Variants in VWA2 observed in about 807,000 individuals in gnomAD.
The protein encoded by VWA2 is von Willebrand factor A domain-containing protein 2.
In VWA2, 73 loss-of-function variants were observed where a neutral mutation model predicts 70.4. That is an observed-to-expected ratio of 1.04 (90% CI 0.86 to 1.26). The LOEUF (loss-of-function observed/expected upper bound fraction) is 1.26, where lower values mean the gene tolerates loss of function less well. Ranked by LOEUF, VWA2 falls within the 50% of genes most tolerant of loss-of-function variation. The pLI is 0.00. For synonymous variants in VWA2, 407 were observed against 423.3 expected (o/e 0.96, Z 0.47); for missense variants, 1,011 against 998.5 (o/e 1.01, Z -0.17).
chr10:114,273,016 G>C, intron 6 of VWA2, 82 bp downstream of exon 6: 3 of 1,280,060 alleles, frequency 2.3e-6, no homozygotes, highest in Non-Finnish European at 3.2e-6. Flanking sequence ...GAAGGGAGGG[G>C]ACTGGAAGAG....
chr10:114,254,961 G>A lies in VWA2; in HGVS notation c.174G>A (p.Gly58=). The A allele has an allele frequency of 1.9e-6, 3 of 1,613,368 alleles. No homozygotes were observed. Among genetic ancestry groups the A allele is most frequent in the Non-Finnish European group, 2.5e-6 (3 of 1,179,906 alleles). ...TGGACATCATGTTTCTGTTAGATGG[G>A]TCTAACAGCGTCGGGAAAGGGAGCT... ...AAVDIMFLLD[G]SNSVGKGSFE... is the part of the protein sequence containing the mutation. The change falls in exon 4 of 14, where the codon GGG becomes GGA. Residue 58 remains glycine (G), a synonymous_variant. Transcript: ENST00000392982.
At chr10:114,282,073 A>T (rs536891031) in intron 8 of VWA2, among the ~76,000 whole-genome samples, 1 of 140,944 alleles carries the variant, frequency 7.1e-6, no homozygotes, top group South Asian at 2.2e-4. Context: ...GCAGTTGTGC[A>T]ATCTCGGCTC....
intron 5 of VWA2, among the ~76,000 whole-genome samples, chr10:114,270,081 A>G (rs1365970676): frequency 6.6e-6 from 1 of 152,238 alleles, no homozygotes; most frequent in African/African-American, 2.4e-5. Flanking sequence ...CTGTTTTCCA[A>G]TAAAACTTTA....
At chr10:114,241,522 C>A (rs2036973612) in intron 1 of VWA2, among the ~76,000 whole-genome samples, 1 of 152,130 alleles carries the variant, frequency 6.6e-6, no homozygotes, top group Non-Finnish European at 1.5e-5. Flanking sequence ...CCCCTCCTGG[C>A]TTTTTAATGA....
chr10:114,264,654 C>T (rs1161991706), intron 5 of VWA2, among the ~76,000 whole-genome samples: 1 of 151,982 alleles, frequency 6.6e-6, no homozygotes, highest in Admixed American at 6.6e-5. Flanking sequence ...CTCCTGACCT[C>T]GTGATCTGCC....
chr10:114,261,386 CAG>C, intron 5 of VWA2, 91 bp downstream of exon 5: 1 of 1,014,412 alleles, frequency 9.9e-7, no homozygotes, highest in East Asian at 2.4e-5. Context: ...TCTGGGCTCA[CAG>C]AGAGGACTGT....
rs933113467 is a variant in VWA2, at chr10:114,270,979, A to T, written c.372-1761A>T. Among the ~76,000 whole-genome samples, 11 of 151,958 alleles carry T rather than the reference A, an allele frequency of 7.2e-5. No individual in the cohort carries two copies. The East Asian group carries it at 1.7e-3, about 24-fold the overall frequency. On this transcript the variant is annotated intron_variant, in intron 5 of 13. Coordinates refer to ENST00000392982, the MANE Select transcript of VWA2 (RefSeq NM_001272046.2). ...TTTCCTCATCAGCTGATTCACCAAG[A>T]CCCCATTTAAAAGCTTTTTCCCCTC...
chr10:114,255,994 G>A (rs2037318997), intron 4 of VWA2, among the ~76,000 whole-genome samples: 2 of 152,168 alleles, frequency 1.3e-5, no homozygotes. Context: ...AAAAACTGGT[G>A]TTGTCATACA....
rs569318563 is a variant in VWA2, at chr10:114,268,722, T to A, written c.372-4018T>A. Among the ~76,000 whole-genome samples, 45 of 145,632 alleles carry A rather than the reference T, an allele frequency of 3.1e-4. 1 individual carries two copies. In the East Asian group the frequency reaches 8.8e-3, roughly 28 times the overall value. ...TCTTTTTTTTTTTTTTGAGACGGAG[T>A]CTCGCTCTGTCGCTGAGGCTGGAGT... On this transcript the variant is annotated intron_variant, in intron 5 of 13. Coordinates refer to ENST00000392982, the MANE Select transcript of VWA2 (RefSeq NM_001272046.2).
intron 9 of VWA2, among the ~76,000 whole-genome samples, chr10:114,282,843 C>G (rs1426091202): frequency 6.6e-6 from 1 of 152,154 alleles, no homozygotes; most frequent in Non-Finnish European, 1.5e-5. Context: ...CGAGCACCAG[C>G]TTTGCAGACA....
chr10:114,278,109 G>A, intron 7 of VWA2, 62 bp downstream of exon 7: 2 of 1,571,706 alleles, frequency 1.3e-6, no homozygotes, highest in Non-Finnish European at 1.7e-6. Context: ...GGCTCCCTGA[G>A]GCAAGAGGTC....
chr10:114,247,620 G>A (rs967425316), intron 1 of VWA2, among the ~76,000 whole-genome samples: 1 of 151,676 alleles, frequency 6.6e-6, no homozygotes, highest in South Asian at 2.1e-4. Context: ...AAACACTGGA[G>A]TCATGGCATG....
chr10:114,272,995 G>A, intron 6 of VWA2, 61 bp downstream of exon 6: 1 of 1,460,934 alleles, frequency 6.8e-7, no homozygotes, highest in South Asian at 1.4e-5. Context: ...TCGTGACATG[G>A]CCATGGGAGG....
rs1237104173 is a variant in VWA2 at position 114,278,040 on chromosome 10, C to G, written c.693C>G (p.Ala231=). Residue 231 remains alanine (A), a synonymous_variant, in exon 7 of 14, where the codon GCC becomes GCG. Coordinates refer to ENST00000392982, the MANE Select transcript of VWA2 (RefSeq NM_001272046.2). ...TLSSSAICSS[A]TPDCRVEAHP... ...GCAGCTCGGCCATCTGCTCCAGCGC[C>G]ACGCCAGGTAAGATCTTCCAGCCTG... is the stretch of plus-strand genomic sequence containing the variant. The G allele has an allele frequency of 3.1e-6, 5 of 1,611,158 alleles. No individual in the cohort carries two copies. The highest frequency in any genetic ancestry group is 3.3e-5 in the Admixed American group (2 of 59,984).
Position 114,278,063 on chromosome 10 carries a change from C to G in VWA2, c.700+16C>G. On this transcript the variant is annotated intron_variant, in intron 7 of 13. Coordinates refer to ENST00000392982, the MANE Select transcript of VWA2 (RefSeq NM_001272046.2). The stretch of plus-strand genomic sequence containing the variant: ...GCCACGCCAGGTAAGATCTTCCAGC[C>G]TGGAGGGAGTGGAAGTGCCATGTGG... 1 of 1,603,544 alleles carries G rather than the reference C, an allele frequency of 6.2e-7. No individual in the cohort carries two copies. The highest frequency in any genetic ancestry group is 1.1e-5 in the South Asian group (1 of 90,756).
rs370160791 is a variant in VWA2 at position 114,248,713 on chromosome 10, C to T, written c.-1C>T. 9.3e-6 allele frequency: 15 copies of T among 1,613,358 alleles called. No homozygotes were observed. The African/African-American group carries it at 1.5e-4, about 16-fold the overall frequency. ...TCCTGTGTCCCTGTAGTTATATCAA[C>T]ATGCCCCCTTTCCTGTTGCTGGAAG... On this transcript the variant is annotated 5_prime_UTR_variant, in exon 2 of 14. Coordinates refer to ENST00000392982, the MANE Select transcript of VWA2 (RefSeq NM_001272046.2).
chr10:114,272,918 G>A lies in VWA2; in HGVS notation c.550G>A (p.Gly184Arg). The change falls in exon 6 of 14, where the codon GGG becomes AGG. Residue 184 changes from glycine to arginine, a missense_variant. Coordinates refer to ENST00000392982, the MANE Select transcript of VWA2 (RefSeq NM_001272046.2). ...KERGVTVFAV[G>R]VRFPRWEELH... is the part of the protein sequence containing the mutation. The stretch of plus-strand genomic sequence containing the variant: ...AAGGGGTGTCACTGTGTTTGCTGTG[G>A]GGGTCAGGTTTCCCAGGTAAGAGCC... 1 of 1,612,108 alleles carries A rather than the reference G, an allele frequency of 6.2e-7. No individual in the cohort carries two copies. The highest frequency in any genetic ancestry group is 8.5e-7 in the Non-Finnish European group (1 of 1,179,012).
At chr10:114,263,041 A>G (rs1410997128) in intron 5 of VWA2, among the ~76,000 whole-genome samples, 2 of 152,334 alleles carry the variant, frequency 1.3e-5, no homozygotes, top group East Asian at 3.9e-4. Flanking sequence ...TTTGAAGCAC[A>G]GTCTCACTGT....
intron 1 of VWA2, among the ~76,000 whole-genome samples, chr10:114,239,832 G>A (rs1046621841): frequency 6.6e-6 from 1 of 152,206 alleles, no homozygotes; most frequent in African/African-American, 2.4e-5. Context: ...GGTCCGTCCC[G>A]GGCGAGCTGG....
Sources: allele counts gnomAD v4.1 joint callset (sites outside exome capture counted in the v4.1 genomes callset), GRCh38; gene constraint gnomAD v4.1.1; transcripts MANE v1.5; gene names NCBI Gene and HGNC (gene_info 2026-07-23, HGNC 2026-07-21).